IGF1R: variants seen among roughly 807,000 people sequenced by gnomAD.
IGF1R encodes the protein insulin like growth factor 1 receptor.
Under a neutral mutation model 144.6 loss-of-function variants are expected in IGF1R, and 44 were observed. The observed-to-expected ratio is 0.30, with a 90% CI of 0.24 to 0.39. The LOEUF is 0.39. Among genes scored for constraint, IGF1R ranks in the 10% least tolerant of loss-of-function variants. The pLI, the probability that IGF1R is intolerant of heterozygous loss-of-function variation, is 1.00. For missense variants in IGF1R, 1,355 were observed against 1,833.7 expected, an observed-to-expected ratio of 0.74 and a Z score of 4.77; for synonymous variants, 795 against 722.8, an observed-to-expected ratio of 1.10 and a Z score of -1.60.
rs1567139276 is a variant in IGF1R, at chr15:98,809,422, C to T, written c.641-81903C>T. On this transcript the variant is annotated intron_variant, in intron 2 of 20. Coordinates refer to ENST00000650285, the MANE Select transcript of IGF1R (RefSeq NM_000875.5). ...CGCCATGGAGTCAGTGTGAGTTCTGCAGCCTCCCAAGTTCCGCTGGCGTGA... is the reference window on the plus strand; with the variant it reads ...CGCCATGGAGTCAGTGTGAGTTCTGTAGCCTCCCAAGTTCCGCTGGCGTGA... 3.3e-5 allele frequency among the ~76,000 whole-genome samples: 5 copies of T among 152,196 alleles called. No homozygotes were observed. The South Asian group carries it at 6.2e-4, about 19-fold the overall frequency.
chr15:98,899,741 C>T (rs546215879), intron 5 of IGF1R, 120 bp downstream of exon 5: 13 of 968,576 alleles, frequency 1.3e-5, no homozygotes, highest in Admixed American at 1.3e-4. Context: ...AGGAGGAAGC[C>T]GCAGTATTGC....
chr15:98,910,304 C>T (rs1040998591), intron 6 of IGF1R, among the ~76,000 whole-genome samples: 1 of 152,222 alleles, frequency 6.6e-6, no homozygotes, highest in Non-Finnish European at 1.5e-5. Flanking sequence ...TCCTTAGAGT[C>T]AGCCAGTCTG....
At chr15:98,763,635 G>A (rs1450808278) in intron 2 of IGF1R, among the ~76,000 whole-genome samples, 1 of 152,028 alleles carries the variant, frequency 6.6e-6, no homozygotes. Flanking sequence ...GAAGCCTAAG[G>A]GTTTTGATCT....
chr15:98,924,865 C>T (rs2015646029), intron 13 of IGF1R, among the ~76,000 whole-genome samples, 181 bp downstream of exon 13: 1 of 152,122 alleles, frequency 6.6e-6, no homozygotes, highest in Admixed American at 6.5e-5. Context: ...TTGGGCAGGG[C>T]AGATGCCGAG....
chr15:98,692,221 C>T (rs907369485), intron 1 of IGF1R, among the ~76,000 whole-genome samples: 14 of 152,178 alleles, frequency 9.2e-5, no homozygotes, highest in Admixed American at 6.5e-5. Flanking sequence ...GCTTTTGGTC[C>T]CAGCTACTTG....
chr15:98,954,241 G>T (rs79644962), intron 20 of IGF1R: 1 of 152,126 alleles, frequency 6.6e-6, no homozygotes, highest in Non-Finnish European at 1.5e-5. Flanking sequence ...CCTCCGGGGG[G>T]GGTCACAGCT....
At chr15:98,795,617 T>C (rs941511394) in intron 2 of IGF1R, among the ~76,000 whole-genome samples, 1 of 152,240 alleles carries the variant, frequency 6.6e-6, no homozygotes, top group Non-Finnish European at 1.5e-5. Flanking sequence ...AGGGTTTCAC[T>C]GTGTTAGCCA....
intron 1 of IGF1R, among the ~76,000 whole-genome samples, chr15:98,663,206 T>C (rs1020403274): frequency 5.3e-5 from 8 of 151,906 alleles, no homozygotes; most frequent in Non-Finnish European, 1.0e-4. Context: ...CCAGAGGAGC[T>C]GTGGGCTGGG....
chr15:98,649,398 C>G lies in IGF1R; in HGVS notation c.-184C>G, dbSNP rs571152585. 1 of 349,444 alleles carries G rather than the reference C, an allele frequency of 2.9e-6. No homozygotes were observed. The highest frequency in any genetic ancestry group is 2.1e-5 in the African/African-American group (1 of 46,772). 21.6% of individuals were successfully genotyped at this position (349,444 alleles called of 1,614,324 possible). A position where few individuals can be genotyped will look rare whatever the true frequency, so the allele number is the denominator to read the frequency against. On this transcript the variant is annotated 5_prime_UTR_variant, in exon 1 of 21. Transcript: ENST00000650285. The stretch of plus-strand genomic sequence containing the variant: ...GCCGCCCCGCGCCGCCCGCCCCGTC[C>G]GCGCACCCGGAGGGCCCCGGCGGCG...
intron 2 of IGF1R, among the ~76,000 whole-genome samples, chr15:98,752,248 GC>G (rs1248282140): frequency 1.3e-5 from 2 of 152,180 alleles, no homozygotes; most frequent in African/African-American, 2.4e-5. Context: ...TGTTTTCTGA[GC>G]CCACACCAGG....
chr15:98,737,398 G>A (rs537978110), intron 2 of IGF1R, among the ~76,000 whole-genome samples: 12 of 152,214 alleles, frequency 7.9e-5, no homozygotes, highest in East Asian at 1.9e-4. Flanking sequence ...GAACCCTTGC[G>A]TTTGTTCTGC....
chr15:98,750,712 T>G (rs906835498), intron 2 of IGF1R, among the ~76,000 whole-genome samples: 2 of 152,194 alleles, frequency 1.3e-5, no homozygotes, highest in African/African-American at 2.4e-5. Context: ...TCTCTAAGCT[T>G]AAGAATTTGG....
At chr15:98,951,637 T>G (rs753832517) in intron 20 of IGF1R, among the ~76,000 whole-genome samples, 14 of 152,222 alleles carry the variant, frequency 9.2e-5, no homozygotes, top group Non-Finnish European at 1.6e-4. Context: ...TCTGAAGGCT[T>G]GCCTGGGGGA....
intron 2 of IGF1R, among the ~76,000 whole-genome samples, chr15:98,854,177 A>AT (rs2011662593): frequency 6.6e-6 from 1 of 152,206 alleles, no homozygotes; most frequent in South Asian, 2.1e-4. Context: ...CCCCGGGGCC[A>AT]TGAGGTTCTG....
intron 2 of IGF1R, among the ~76,000 whole-genome samples, chr15:98,736,982 A>G (rs2054626294): frequency 6.6e-6 from 1 of 152,086 alleles, no homozygotes; most frequent in African/African-American, 2.4e-5. Context: ...TTGTTTTAGA[A>G]GCATCTGTGA....
chr15:98,871,713 C>A (rs1433157846), intron 2 of IGF1R, among the ~76,000 whole-genome samples: 2 of 152,182 alleles, frequency 1.3e-5, no homozygotes, highest in East Asian at 3.8e-4. Context: ...TAAAAACCAT[C>A]AGATCTTGTG....
At chr15:98,884,751 C>T (rs1456966080) in intron 2 of IGF1R, among the ~76,000 whole-genome samples, 1 of 151,424 alleles carries the variant, frequency 6.6e-6, no homozygotes, top group Admixed American at 6.6e-5. Flanking sequence ...CTTGAATCTA[C>T]CCTGCTTTTC....
rs78835345 is a variant in IGF1R, at chr15:98,856,182, A to G, written c.641-35143A>G. 8.6e-3 allele frequency among the ~76,000 whole-genome samples: 1,317 copies of G among 152,370 alleles called. 39 individuals are homozygous for G. The highest frequency in any genetic ancestry group is 0.061 in the East Asian group (318 of 5,188). On this transcript the variant is annotated intron_variant, in intron 2 of 20. Coordinates refer to ENST00000650285, the MANE Select transcript of IGF1R (RefSeq NM_000875.5). ...GGGAGGCCTGCAGGGCAGGTGCTCA[A>G]CTAAGCTCTGGGGCTGCAAAGATCC...
At chr15:98,847,347 T>C (rs985737078) in intron 2 of IGF1R, among the ~76,000 whole-genome samples, 2 of 152,126 alleles carry the variant, frequency 1.3e-5, no homozygotes, top group Non-Finnish European at 2.9e-5. Context: ...GCCGTGTCAG[T>C]CCATACCCTC....
Sources: gnomAD v4.1 joint callset for allele counts (sites outside exome capture counted in the v4.1 genomes callset) on GRCh38, gnomAD v4.1.1 for gene constraint, MANE v1.5 for transcripts, NCBI Gene and HGNC (gene_info 2026-07-23, HGNC 2026-07-21) for gene names.